The following ZBED6 variants were observed in gnomAD, a reference collection of about 807,000 sequenced individuals.
ZBED6 encodes zinc finger BED domain-containing protein 6.
ZBED6 carries 40 observed loss-of-function variants against 58.4 expected under a neutral mutation model. That is an observed-to-expected ratio of 0.68 (90% CI 0.53 to 0.89). The LOEUF (loss-of-function observed/expected upper bound fraction) is 0.89, where lower values mean the gene tolerates loss of function less well. Among genes scored for constraint, ZBED6 ranks in the 40% least tolerant of loss-of-function variants. ZBED6 has a pLI of 0.00. For missense variants in ZBED6, 1,057 were observed against 1,003.9 expected, an observed-to-expected ratio of 1.05 and a Z score of -0.71; for synonymous variants, 439 against 350.6, an observed-to-expected ratio of 1.25 and a Z score of -2.82.
exon 1 of ZBED6, chr1:203,797,954 G>T (rs1669189128): frequency 6.5e-7 from 1 of 1,536,036 alleles, no homozygotes; most frequent in Non-Finnish European, 8.7e-7. Flanking sequence ...TTGACCCCCA[G>T]TACACCTGGC....
chr1:203,835,410 C>T (rs1683968354), intron 9 of ZBED6, among the ~76,000 whole-genome samples: 1 of 152,140 alleles, frequency 6.6e-6, no homozygotes, highest in African/African-American at 2.4e-5. Flanking sequence ...GTTATACAGT[C>T]ATTTACGAAA....
At chr1:203,802,640 TATATTGTTCAGCTATGGAAG>T (rs1670871577) in exon 1 of ZBED6, 1 of 152,344 alleles carries the variant, frequency 6.6e-6, no homozygotes, top group African/African-American at 2.4e-5. Flanking sequence ...TTTTTTAAAT[TATATTGTTCAGCTATGGAAG>T]ATGGAGTTTT....
chr1:203,817,948 C>A (rs1039203472), intron 2 of ZBED6, among the ~76,000 whole-genome samples: 1 of 151,928 alleles, frequency 6.6e-6, no homozygotes, highest in African/African-American at 2.4e-5. Context: ...CAGGGTTTCA[C>A]GTGTTGGCCA....
intron 8 of ZBED6, 39 bp from the exon 9 acceptor site, chr1:203,833,752 T>A: frequency 6.3e-7 from 1 of 1,581,662 alleles, no homozygotes; most frequent in Non-Finnish European, 8.6e-7. Context: ...TACAGAAAAA[T>A]TGACTAAGGA....
chr1:203,850,484 C>T, intron 14 of ZBED6, 31 bp from the exon 15 acceptor site: 1 of 1,613,472 alleles, frequency 6.2e-7, no homozygotes, highest in South Asian at 1.1e-5. Flanking sequence ...TCTATTCTCA[C>T]TGCTTATCAG....
intron 3 of ZBED6, among the ~76,000 whole-genome samples, chr1:203,826,545 C>T (rs1048307332): frequency 1.3e-5 from 2 of 152,102 alleles, no homozygotes; most frequent in Non-Finnish European, 2.9e-5. Context: ...CTGATTCTTC[C>T]ACGTCCCTGA....
chr1:203,817,156 C>T lies in ZBED6; in HGVS notation c.*2753+32C>T, dbSNP rs185234237. The T allele has an allele frequency of 2.9e-5, 45 of 1,542,322 alleles. No individual in the cohort carries two copies. The African/African-American group carries it at 5.5e-4, about 19-fold the overall frequency. On this transcript the variant is annotated intron_variant, in intron 2 of 16. Transcript: ENST00000550078. ...ATTGACATCTTTAAATCAGTTCTTT[C>T]TACAATTTGCTTAATAGAATTGGAT...
chr1:203,833,309 G>A (rs1224808505), intron 8 of ZBED6, among the ~76,000 whole-genome samples: 7 of 149,242 alleles, frequency 4.7e-5, no homozygotes, highest in African/African-American at 1.7e-4. Flanking sequence ...AGGTTGCAGT[G>A]AGCCGAGATC....
At chr1:203,836,331 A>G (rs983364560) in intron 9 of ZBED6, among the ~76,000 whole-genome samples, 2 of 152,214 alleles carry the variant, frequency 1.3e-5, no homozygotes, top group African/African-American at 4.8e-5. Flanking sequence ...GAGAGAAACA[A>G]TCATACTCTG....
rs199808427 is a variant in ZBED6, at chr1:203,847,700, C to G, written c.*4245+13C>G. The G allele has an allele frequency of 1.6e-3, 2,535 of 1,609,268 alleles. 9 individuals carry two copies. The highest frequency in any genetic ancestry group is 6.2e-3 in the South Asian group (561 of 90,656). Reference sequence around the variant, plus strand: ...ACCAAAAGAACAGGTAACAAGAGAACTTGGTCTCTAGTACCACGTCCCCAC... The same window carrying G: ...ACCAAAAGAACAGGTAACAAGAGAAGTTGGTCTCTAGTACCACGTCCCCAC... On this transcript the variant is annotated intron_variant, in intron 12 of 16. Transcript: ENST00000550078.
exon 17 of ZBED6, chr1:203,852,173 A>T: frequency 6.2e-7 from 1 of 1,613,536 alleles, no homozygotes; most frequent in Non-Finnish European, 8.5e-7. Context: ...TCCTCTTCAG[A>T]TTCCTCACCC....
At chr1:203,804,756 T>C (rs933417621) in intron 1 of ZBED6, among the ~76,000 whole-genome samples, 1 of 151,278 alleles carries the variant, frequency 6.6e-6, no homozygotes, top group African/African-American at 2.4e-5. Flanking sequence ...CATTGCAACC[T>C]CTGCCTTCCA....
chr1:203,843,071 C>T lies in ZBED6; in HGVS notation c.*3741+2697C>T, dbSNP rs555702945. On this transcript the variant is annotated intron_variant, in intron 11 of 16. Transcript: ENST00000550078. ...CATTTGGATGTTAAAGTTATATTAGCATCATAAAAAGGGAGTCCGATGTTG... is the reference window on the plus strand; with the variant it reads ...CATTTGGATGTTAAAGTTATATTAGTATCATAAAAAGGGAGTCCGATGTTG... 1.4e-3 allele frequency among the ~76,000 whole-genome samples: 211 copies of T among 152,132 alleles called. 1 individual carries two copies. Among genetic ancestry groups the T allele is most frequent in the Middle Eastern group, 0.01 (3 of 294 alleles).
At chr1:203,850,109 A>AATT in intron 14 of ZBED6, 83 bp downstream of exon 14, 1 of 1,284,672 alleles carries the variant, frequency 7.8e-7, no homozygotes, top group East Asian at 2.4e-5. Flanking sequence ...CTTCCTGGCA[A>AATT]CAATTGGGTT....
chr1:203,842,601 G>C (rs1165341146), intron 11 of ZBED6, among the ~76,000 whole-genome samples: 1 of 150,578 alleles, frequency 6.6e-6, no homozygotes, highest in Non-Finnish European at 1.5e-5. Flanking sequence ...GGAGACCGGG[G>C]AGAGGGGGAG....
At chr1:203,852,511 A>C (rs559402046) in exon 17 of ZBED6, 694 of 1,207,134 alleles carry the variant, frequency 5.7e-4, no homozygotes, top group Admixed American at 8.9e-4. Context: ...ATTTGCCCCA[A>C]ATCAGAAGTA....
chr1:203,828,175 A>T, intron 3 of ZBED6, 124 bp from the exon 4 acceptor site: 2 of 1,075,238 alleles, frequency 1.9e-6, no homozygotes, highest in Non-Finnish European at 2.7e-6. Flanking sequence ...CCTTCTAAAA[A>T]TCATCTCATC....
intron 11 of ZBED6, among the ~76,000 whole-genome samples, chr1:203,842,056 G>A (rs1472139459): frequency 1.3e-5 from 2 of 151,332 alleles, no homozygotes; most frequent in Admixed American, 6.6e-5. Context: ...GCCGGGCAGA[G>A]ACACTCCTCA....
At chr1:203,814,147 A>G (rs961418952) in intron 1 of ZBED6, among the ~76,000 whole-genome samples, 4 of 152,132 alleles carry the variant, frequency 2.6e-5, no homozygotes, top group Non-Finnish European at 4.4e-5. Context: ...AAATCTCCTC[A>G]GCTAAAACCC....
Sources: allele counts gnomAD v4.1 joint callset (sites outside exome capture counted in the v4.1 genomes callset), GRCh38; gene constraint gnomAD v4.1.1; transcripts MANE v1.5; gene names NCBI Gene and HGNC (gene_info 2026-07-23, HGNC 2026-07-21).